The following MICAL3 variants were observed in gnomAD, a reference collection of about 807,000 sequenced individuals.
The protein encoded by MICAL3 is [F-actin]-monooxygenase MICAL3.
MICAL3 carries 62 observed loss-of-function variants against 207.4 expected under a neutral mutation model. The observed-to-expected ratio is 0.30, with a 90% CI of 0.24 to 0.37. The LOEUF (loss-of-function observed/expected upper bound fraction) is 0.37, where lower values mean the gene tolerates loss of function less well. Ranked by LOEUF, MICAL3 falls within the 10% of genes least tolerant of loss-of-function variation. The pLI is 1.00. For missense variants in MICAL3, 2,368 were observed against 2,635.6 expected (o/e 0.90, Z 2.22); for synonymous variants, 1,077 against 1,069.3 (o/e 1.01, Z -0.14).
At chr22:17,986,032 A>C (rs1252188277) in intron 1 of MICAL3, among the ~76,000 whole-genome samples, 1 of 152,098 alleles carries the variant, frequency 6.6e-6, no homozygotes, top group African/African-American at 2.4e-5. Context: ...TCAGCCTCCC[A>C]GGTAGCTAGG....
intron 1 of MICAL3, among the ~76,000 whole-genome samples, chr22:17,915,146 A>G (rs1932405831): frequency 6.6e-6 from 1 of 152,378 alleles, no homozygotes; most frequent in African/African-American, 2.4e-5. Flanking sequence ...AATCCAATCT[A>G]TAACGTCGGT....
intron 25 of MICAL3, among the ~76,000 whole-genome samples, chr22:17,820,929 T>C (rs980290630): frequency 4.9e-5 from 7 of 141,884 alleles, no homozygotes; most frequent in Non-Finnish European, 9.1e-5. Context: ...AACATAAATT[T>C]TAATAAATTT....
At chr22:17,820,387 C>T (rs1251066437) in intron 25 of MICAL3, among the ~76,000 whole-genome samples, 1 of 152,218 alleles carries the variant, frequency 6.6e-6, no homozygotes, top group Non-Finnish European at 1.5e-5. Context: ...CGGAGTCTCG[C>T]TCTGTCGCCC....
intron 1 of MICAL3, among the ~76,000 whole-genome samples, chr22:17,976,589 A>ATATATTTTT (rs1231976773): frequency 3.0e-5 from 2 of 67,124 alleles, no homozygotes; most frequent in East Asian, 1.2e-3. Flanking sequence ...ATATATATAT[A>ATATATTTTT]TTTTTTTTTT....
rs1046055294 is a variant in MICAL3 at position 17,970,084 on chromosome 22, C to T, written c.-75+54197G>A. 3.3e-5 allele frequency among the ~76,000 whole-genome samples: 5 copies of T among 152,208 alleles called. No homozygotes were observed. In the East Asian group the frequency reaches 9.6e-4, roughly 29 times the overall value. On this transcript the variant is annotated intron_variant, in intron 1 of 31. Coordinates refer to ENST00000441493, the MANE Select transcript of MICAL3 (RefSeq NM_015241.3). ...TGGGCCGTTGCTCCAGCCGCTCCAG[C>T]AGGTTAGCAGGCTCTGTGCCACTGT... is the stretch of plus-strand genomic sequence containing the variant.
chr22:17,819,618 C>A (rs1921323809), intron 25 of MICAL3, among the ~76,000 whole-genome samples: 1 of 152,098 alleles, frequency 6.6e-6, no homozygotes, highest in Middle Eastern at 3.2e-3. Context: ...TATATCACCC[C>A]ATCCAAGAGC....
chr22:17,877,364 GGTTAGGGAGGTGAGGGAGGTTAT>G (rs1569110340), intron 16 of MICAL3, among the ~76,000 whole-genome samples: 2 of 111,682 alleles, frequency 1.8e-5, no homozygotes, highest in Non-Finnish European at 3.5e-5. Context: ...AGGTTATGGA[GGTTAGGGAGGTGAGGGAGGTTAT>G]GGAGGTTAGG....
chr22:17,908,530 A>G (rs1471290432), intron 1 of MICAL3, among the ~76,000 whole-genome samples: 1 of 152,074 alleles, frequency 6.6e-6, no homozygotes, highest in Non-Finnish European at 1.5e-5. Flanking sequence ...GATGGTCTCA[A>G]TCTCCTGACC....
At chr22:17,864,391 C>A in intron 19 of MICAL3, 3 of 1,340,794 alleles carry the variant, frequency 2.2e-6, no homozygotes, top group Non-Finnish European at 2.9e-6. Context: ...GGGAACAGGA[C>A]GCAGAATCTT....
At position 17,821,613 on chromosome 22, in the gene MICAL3, G is replaced by C. The variant is rs2305005; in HGVS notation, c.3449-104C>G. On this transcript the variant is annotated intron_variant, in intron 24 of 31. Transcript: ENST00000441493. ...GAGGGTGGAGGGGAGGGTAGAGGGCGAGTCGCTGAGTCGGCTCCCAGTTCT... is the reference window on the plus strand; with the variant it reads ...GAGGGTGGAGGGGAGGGTAGAGGGCCAGTCGCTGAGTCGGCTCCCAGTTCT... The C allele has an allele frequency of 5.8e-4, 506 of 874,580 alleles. 2 individuals are homozygous for C. The highest frequency in any genetic ancestry group is 1.9e-3 in the East Asian group (68 of 35,170). The allele number at this position is 874,580 out of a possible 1,614,324, so 54.2% of individuals were successfully genotyped here. A position where few individuals can be genotyped will look rare whatever the true frequency, so the allele number is the denominator to read the frequency against.
At chr22:17,975,943 A>T (rs1935610250) in intron 1 of MICAL3, among the ~76,000 whole-genome samples, 2 of 152,062 alleles carry the variant, frequency 1.3e-5, no homozygotes, top group African/African-American at 4.8e-5. Flanking sequence ...CCCACTACTC[A>T]GGAGGCTGAG....
intron 1 of MICAL3, among the ~76,000 whole-genome samples, chr22:17,966,350 T>A (rs904845057): frequency 6.6e-6 from 1 of 152,166 alleles, no homozygotes; most frequent in Non-Finnish European, 1.5e-5. Context: ...CTCTCCAGCC[T>A]TATTCCAGAA....
intron 1 of MICAL3, among the ~76,000 whole-genome samples, chr22:17,913,970 C>G (rs1932308094): frequency 6.6e-6 from 1 of 152,150 alleles, no homozygotes; most frequent in South Asian, 2.1e-4. Flanking sequence ...CCTACAGTCT[C>G]CTCATCTGTA....
chr22:17,916,951 T>C (rs997599191), intron 1 of MICAL3, among the ~76,000 whole-genome samples: 1 of 152,214 alleles, frequency 6.6e-6, no homozygotes, highest in Non-Finnish European at 1.5e-5. Context: ...TTTTAAAAAA[T>C]GTTTCATAGG....
chr22:17,820,755 T>G (rs980707002), intron 25 of MICAL3, among the ~76,000 whole-genome samples: 1 of 151,190 alleles, frequency 6.6e-6, no homozygotes, highest in African/African-American at 2.4e-5. Flanking sequence ...TTGCTTTAAT[T>G]TAAACAAATT....
chr22:18,007,169 C>T (rs1923443964), intron 1 of MICAL3: 1 of 151,386 alleles, frequency 6.6e-6, no homozygotes, highest in Admixed American at 6.6e-5. Context: ...TTTCTGATTT[C>T]AAAAGTAATA....
chr22:17,859,016 CTGACT>C (rs1465670169), intron 19 of MICAL3, among the ~76,000 whole-genome samples: 1 of 152,218 alleles, frequency 6.6e-6, no homozygotes, highest in Admixed American at 6.5e-5. Flanking sequence ...AGGATACTGA[CTGACT>C]TATTTCAGAG....
intron 1 of MICAL3, among the ~76,000 whole-genome samples, chr22:17,948,011 G>C (rs1261335037): frequency 6.6e-6 from 1 of 151,236 alleles, no homozygotes; most frequent in Non-Finnish European, 1.5e-5. Context: ...TACAGATCCA[G>C]GATACCAACT....
At chr22:17,822,379 G>A (rs1213696613) in intron 23 of MICAL3, among the ~76,000 whole-genome samples, 5 of 152,242 alleles carry the variant, frequency 3.3e-5, no homozygotes, top group African/African-American at 7.2e-5. Context: ...CCTTTGCAAC[G>A]CGGGGCCGCA....
Sources: allele counts gnomAD v4.1 joint callset (sites outside exome capture counted in the v4.1 genomes callset), GRCh38; gene constraint gnomAD v4.1.1; transcripts MANE v1.5; gene names NCBI Gene and HGNC (gene_info 2026-07-23, HGNC 2026-07-21).